The following FGD3 variants were observed in gnomAD, a reference collection of about 807,000 sequenced individuals.
FGD3 encodes the protein FYVE, RhoGEF and PH domain containing 3.
Under a neutral mutation model 71.8 loss-of-function variants are expected in FGD3, and 45 were observed. The ratio of observed to expected loss-of-function variants is 0.63; its 90% confidence interval spans 0.49 to 0.80. The LOEUF is 0.80. Ranked by LOEUF, FGD3 falls within the 30% of genes least tolerant of loss-of-function variation. FGD3 has a pLI of 0.00. For synonymous variants in FGD3, 378 were observed against 392.8 expected (o/e 0.96, Z 0.44); for missense variants, 844 against 951.5 (o/e 0.89, Z 1.49).
intron 15 of FGD3, 56 bp from the exon 16 acceptor site, chr9:93,032,713 C>G: frequency 6.4e-7 from 1 of 1,553,652 alleles, no homozygotes; most frequent in Admixed American, 1.7e-5. Context: ...CTGGCATCTT[C>G]CTGGATAATC....
rs565849461 is a variant in FGD3 at position 93,029,877 on chromosome 9, G to C, written c.1561G>C (p.Glu521Gln). 280 of 1,612,438 alleles carry C rather than the reference G, an allele frequency of 1.7e-4. 2 individuals carry two copies. In the South Asian group the frequency reaches 3.0e-3, roughly 17 times the overall value. Reference protein sequence around the residue: ...TEGSSGAAGLEPRKLSSKTRR... With the variant: ...TEGSSGAAGLQPRKLSSKTRR... Reference sequence around the variant, plus strand: ...GCATCTATTTGCCTCCTTATAGCTCGAGCCCAGAAAACTATCCTCTAAGAC... The same window carrying C: ...GCATCTATTTGCCTCCTTATAGCTCCAGCCCAGAAAACTATCCTCTAAGAC... Residue 521 changes from glutamate (E) to glutamine (Q), a missense_variant, in exon 15 of 18, where the codon GAG (glutamate) becomes CAG (glutamine). Glu to Gln is a conservative substitution (Grantham distance 29, BLOSUM62 2). Coordinates refer to ENST00000375482, the MANE Select transcript of FGD3 (RefSeq NM_001083536.2).
chr9:92,957,372 G>A (rs796146548), intron 1 of FGD3, among the ~76,000 whole-genome samples: 7 of 152,324 alleles, frequency 4.6e-5, no homozygotes, highest in African/African-American at 1.7e-4. Context: ...GCCAGCAGGT[G>A]GCATTGTCAG....
chr9:92,968,529 TA>T (rs138231440), intron 1 of FGD3, among the ~76,000 whole-genome samples: 4,930 of 152,072 alleles, frequency 0.032, 288 homozygotes, highest in African/African-American at 0.11. Context: ...GACCCCAAGG[TA>T]ATTACTCTGG....
At chr9:93,032,675 ACTCCACCTCCCG>A in intron 15 of FGD3, 82 bp from the exon 16 acceptor site, 2 of 607,970 alleles carry the variant, frequency 3.3e-6, no homozygotes, top group Non-Finnish European at 4.8e-6. Context: ...CCTCCCGCCC[ACTCCACCTCCCG>A]CCCACTCTAC....
chr9:92,981,229 G>A (rs1278711916), intron 3 of FGD3, among the ~76,000 whole-genome samples: 2 of 151,660 alleles, frequency 1.3e-5, no homozygotes, highest in East Asian at 3.9e-4. Flanking sequence ...TTAGCCAGGC[G>A]TGGTGGTGGG....
chr9:93,030,513 G>A (rs1376787777), intron 15 of FGD3, among the ~76,000 whole-genome samples: 1 of 152,204 alleles, frequency 6.6e-6, no homozygotes, highest in African/African-American at 2.4e-5. Context: ...AAAATTCAAT[G>A]CTTAATGTTG....
intron 3 of FGD3, among the ~76,000 whole-genome samples, chr9:92,977,375 T>C (rs1338668146): frequency 6.6e-6 from 1 of 152,102 alleles, no homozygotes; most frequent in Non-Finnish European, 1.5e-5. Flanking sequence ...GGCCTCAGCC[T>C]CAGAGAAACT....
intron 3 of FGD3, among the ~76,000 whole-genome samples, chr9:92,989,753 T>C (rs1037108776): frequency 6.6e-6 from 1 of 152,196 alleles, no homozygotes; most frequent in Admixed American, 6.5e-5. Context: ...GAGGTAAACA[T>C]AGGGCAGCCA....
At chr9:93,002,658 G>A (rs1182170102) in intron 3 of FGD3, among the ~76,000 whole-genome samples, 3 of 152,168 alleles carry the variant, frequency 2.0e-5, no homozygotes, top group Admixed American at 6.5e-5. Flanking sequence ...AAGGAGGGCC[G>A]AGAGCTGTTT....
intron 3 of FGD3, among the ~76,000 whole-genome samples, chr9:93,000,108 A>G (rs988821091): frequency 1.3e-5 from 2 of 150,648 alleles, no homozygotes; most frequent in Non-Finnish European, 3.0e-5. Context: ...TTATCTATAG[A>G]TATTTTATTT....
chr9:92,975,749 G>A (rs1252371480), intron 2 of FGD3, among the ~76,000 whole-genome samples: 1 of 152,072 alleles, frequency 6.6e-6, no homozygotes, highest in Non-Finnish European at 1.5e-5. Flanking sequence ...ACCCCTGGGG[G>A]CTGTTTTCTG....
chr9:92,976,326 C>A lies in FGD3; in HGVS notation c.70C>A (p.Pro24Thr). The change falls in exon 3 of 18, where the codon CCT (proline) becomes ACT (threonine). Residue 24 changes from proline (P) to threonine (T), a missense_variant. Pro to Thr is a conservative substitution (Grantham distance 38, BLOSUM62 -1). Coordinates refer to ENST00000375482, the MANE Select transcript of FGD3 (RefSeq NM_001083536.2). ...TGCCCTAGGGATGCCAGACACTGGG[C>A]CTGGCAGTTCCTCCCTAGGGAAGCT... is the stretch of plus-strand genomic sequence containing the variant. The part of the protein sequence containing the change: ...IAALGMPDTG[P>T]GSSSLGKLQA... The A allele has an allele frequency of 6.2e-7, 1 of 1,610,266 alleles. No homozygotes were observed. The highest frequency in any genetic ancestry group is 1.7e-5 in the Admixed American group (1 of 59,686).
chr9:93,007,312 G>C (rs1171030223), intron 6 of FGD3, among the ~76,000 whole-genome samples: 2 of 151,138 alleles, frequency 1.3e-5, no homozygotes, highest in African/African-American at 4.9e-5. Context: ...AGGATGTCTC[G>C]ATTTCCTGAC....
chr9:92,976,826 C>T (rs923236296), intron 3 of FGD3, 117 bp downstream of exon 3: 26 of 1,164,354 alleles, frequency 2.2e-5, no homozygotes, highest in African/African-American at 6.2e-5. Context: ...CACACAGGCT[C>T]GTGCTGTGTG....
In FGD3 at chr9:92,980,782, C is replaced by A. The variant is rs1002604138; in HGVS notation, c.453+4073C>A. On this transcript the variant is annotated intron_variant, in intron 3 of 17. Transcript: ENST00000375482. ...AGTCAGGAGTTTGAGACTAGCCTGA[C>A]CAACATGGTGAAACCCTGTCTCTAC... is the stretch of plus-strand genomic sequence containing the variant. 1.9e-4 allele frequency among the ~76,000 whole-genome samples: 29 copies of A among 150,856 alleles called. 1 individual carries two copies. The Middle Eastern group carries it at 0.014, about 71-fold the overall frequency.
intron 3 of FGD3, among the ~76,000 whole-genome samples, chr9:92,990,282 TTAAAAAGTTAGCTGGG>T (rs1372712774): frequency 5.3e-5 from 8 of 152,200 alleles, no homozygotes; most frequent in African/African-American, 1.9e-4. Context: ...TACAAAAAAA[TTAAAAAGTTAGCTGGG>T]TATGGTGGTG....
rs112256957 is a variant in FGD3, at chr9:93,014,548, A to T, written c.1182+550A>T. The stretch of plus-strand genomic sequence containing the variant: ...GTTTTTTTTTAAGTTTTTAAAAATT[A>T]CGTTAACTAAAACTCATTTTTGCTT... On this transcript the variant is annotated intron_variant, in intron 9 of 17. Transcript: ENST00000375482. Among the ~76,000 whole-genome samples, 466 of 152,212 alleles carry T rather than the reference A, an allele frequency of 3.1e-3. 2 individuals are homozygous for T. Among genetic ancestry groups the T allele is most frequent in the Non-Finnish European group, 4.7e-3 (320 of 68,016 alleles).
chr9:92,963,612 T>A (rs1428492094), intron 1 of FGD3, among the ~76,000 whole-genome samples: 2 of 151,958 alleles, frequency 1.3e-5, no homozygotes, highest in Non-Finnish European at 2.9e-5. Flanking sequence ...GAAATTGCTT[T>A]AAAAAAAATG....
At chr9:93,026,476 G>A (rs1231017697) in intron 14 of FGD3, among the ~76,000 whole-genome samples, 1 of 152,208 alleles carries the variant, frequency 6.6e-6, no homozygotes, top group Non-Finnish European at 1.5e-5. Flanking sequence ...ACACCTTGAT[G>A]ATGGGAGCTG....
Sources: allele counts gnomAD v4.1 joint callset (sites outside exome capture counted in the v4.1 genomes callset), GRCh38; gene constraint gnomAD v4.1.1; transcripts MANE v1.5; gene names NCBI Gene and HGNC (gene_info 2026-07-23, HGNC 2026-07-21).